INSYN2A: variants seen among roughly 807,000 people sequenced by gnomAD.
INSYN2A encodes inhibitory synaptic factor 2A.
Under a neutral mutation model 39.4 loss-of-function variants are expected in INSYN2A, and 17 were observed. The observed-to-expected ratio is 0.43, with a 90% CI of 0.30 to 0.65. The LOEUF (loss-of-function observed/expected upper bound fraction) is 0.65, where lower values mean the gene tolerates loss of function less well. Among genes scored for constraint, INSYN2A ranks in the 30% least tolerant of loss-of-function variants. The probability of loss-of-function intolerance (pLI) is 0.14; values close to 1 mark genes in which losing one functional copy is unlikely to be tolerated. For missense variants in INSYN2A, 595 were observed against 631.2 expected, an observed-to-expected ratio of 0.94 and a Z score of 0.61; for synonymous variants, 255 against 265.7, an observed-to-expected ratio of 0.96 and a Z score of 0.39.
intron 5 of INSYN2A, among the ~76,000 whole-genome samples, chr10:127,144,076 C>T (rs945258791): frequency 6.6e-6 from 1 of 152,152 alleles, no homozygotes. Context: ...TGTCCTTCCT[C>T]TCCGCCCACC....
At chr10:127,189,347 G>T (rs1325713507) in intron 2 of INSYN2A, among the ~76,000 whole-genome samples, 1 of 152,170 alleles carries the variant, frequency 6.6e-6, no homozygotes, top group Admixed American at 6.5e-5. Context: ...CTCAGTAGTT[G>T]ACCTGCCCAG....
intron 4 of INSYN2A, among the ~76,000 whole-genome samples, chr10:127,162,995 G>A (rs34543669): frequency 5.9e-5 from 9 of 152,138 alleles, no homozygotes; most frequent in African/African-American, 1.9e-4. Flanking sequence ...GTTCTAACCC[G>A]CATGCAAACC....
chr10:127,158,408 C>G (rs1044691525), intron 4 of INSYN2A, among the ~76,000 whole-genome samples: 1 of 152,162 alleles, frequency 6.6e-6, no homozygotes, highest in Admixed American at 6.5e-5. Context: ...AGTGGAAGAA[C>G]ATTTGGATCA....
At position 127,175,655 on chromosome 10, in the gene INSYN2A, C is replaced by T. The variant is rs1256997654; in HGVS notation, c.741G>A (p.Arg247=). The change falls in exon 4 of 6, where the codon AGG becomes AGA. Residue 247 remains arginine, a synonymous_variant. Coordinates refer to ENST00000522781, the MANE Select transcript of INSYN2A (RefSeq NM_001039762.3). The surrounding 1 kb of genome is among the most constrained non-coding windows in gnomAD (Gnocchi z 6.3). ...CGGTGGCAACCTCCGTTTTAAACAC[C>T]CTCCTGAGGGCAGGTGGAGCGGGCT... ...SEEPAPPALR[R]VFKTEVATVY... The T allele has an allele frequency of 1.2e-6, 2 of 1,613,370 alleles. No homozygotes were observed. Among genetic ancestry groups the T allele is most frequent in the Admixed American group, 1.7e-5 (1 of 59,974 alleles).
chr10:127,191,186 C>T (rs551196016), intron 2 of INSYN2A, among the ~76,000 whole-genome samples: 30 of 152,226 alleles, frequency 2.0e-4, no homozygotes, highest in African/African-American at 6.5e-4. Flanking sequence ...CGAAGTGAGC[C>T]GGGGCATCAC....
chr10:127,165,828 G>A (rs2054019237), intron 4 of INSYN2A, among the ~76,000 whole-genome samples: 1 of 152,216 alleles, frequency 6.6e-6, no homozygotes, highest in Admixed American at 6.5e-5. Flanking sequence ...TCACAGAGAG[G>A]ATTCCTGTTA....
At chr10:127,182,973 C>T (rs2055875160) in intron 2 of INSYN2A, among the ~76,000 whole-genome samples, 2 of 151,792 alleles carry the variant, frequency 1.3e-5, no homozygotes, top group African/African-American at 4.8e-5. Flanking sequence ...GGTGGTCTCC[C>T]TTTTTTAGAC....
chr10:127,182,695 A>G (rs2055851319), intron 2 of INSYN2A, among the ~76,000 whole-genome samples: 1 of 152,230 alleles, frequency 6.6e-6, no homozygotes, highest in Non-Finnish European at 1.5e-5. Flanking sequence ...TAATGGCCAA[A>G]AGGAGTTCAG....
Position 127,175,311 on chromosome 10 carries a change from A to G in INSYN2A, c.1085T>C (p.Leu362Pro). The G allele has an allele frequency of 6.2e-7, 1 of 1,614,002 alleles. No homozygotes were observed. The highest frequency in any genetic ancestry group is 8.5e-7 in the Non-Finnish European group (1 of 1,180,006). ...HTEVVDLKAQLQMMENLISSS... is the reference protein window; with the variant it reads ...HTEVVDLKAQPQMMENLISSS... The stretch of plus-strand genomic sequence containing the variant: ...ACTGATCAAGTTCTCCATCATCTGA[A>G]GTTGTGCTTTGAGGTCGACCACTTC... Residue 362 changes from leucine (L) to proline (P), a missense_variant, in exon 4 of 6, where the codon CTT becomes CCT. This residue lies in a region of INSYN2A where 117 missense variants were observed against 163.8 expected (regional missense o/e 0.71). Transcript: ENST00000522781. This position sits in a 1 kb window ranked among gnomAD's most constrained non-coding sequence, Gnocchi z 6.3.
chr10:127,195,824 G>T (rs2057089536), intron 1 of INSYN2A, among the ~76,000 whole-genome samples, 173 bp downstream of exon 1: 1 of 152,152 alleles, frequency 6.6e-6, no homozygotes, highest in Non-Finnish European at 1.5e-5. Flanking sequence ...GTCCGCTCCC[G>T]GCTGCACCGG....
chr10:127,173,967 C>T (rs2054825037), intron 4 of INSYN2A, among the ~76,000 whole-genome samples: 1 of 152,202 alleles, frequency 6.6e-6, no homozygotes, highest in Non-Finnish European at 1.5e-5. Context: ...GCAGCCAGAG[C>T]CCAGGGCAGG....
rs139810222 is a variant in INSYN2A, at chr10:127,175,698, C to T, written c.698G>A (p.Gly233Glu). 3.8e-5 allele frequency: 61 copies of T among 1,613,760 alleles called. No homozygotes were observed. Among genetic ancestry groups the T allele is most frequent in the Non-Finnish European group, 4.7e-5 (55 of 1,180,008 alleles). ...AGCGGGCTCCTCGGAGTTTGGCCTC[C>T]CCCGGTCCTGCTTGGCCCTCCCGAG... ...QLLGRAKQDRGRPNSEEPAPP... is the reference protein window; with the variant it reads ...QLLGRAKQDRERPNSEEPAPP... Residue 233 changes from glycine (G) to glutamate (E), a missense_variant, in exon 4 of 6, where the codon GGG (glycine) becomes GAG (glutamate). Around this residue, in one of 2 missense-constraint regions of INSYN2A, gnomAD observed 478 missense variants for 467.4 expected, o/e 1.02. Transcript: ENST00000522781. This position sits in a 1 kb window ranked among gnomAD's most constrained non-coding sequence, Gnocchi z 6.3.
In INSYN2A at chr10:127,176,505, T is replaced by C; in HGVS notation, c.-5-105A>G. ...CCACGACGACTGCCTGTTTCCTAAT[T>C]ATATTTAAGCAGGTGAGGTCGGCCT... On this transcript the variant is annotated intron_variant, in intron 3 of 5. Coordinates refer to ENST00000522781, the MANE Select transcript of INSYN2A (RefSeq NM_001039762.3). This position sits in a 1 kb window ranked among gnomAD's most constrained non-coding sequence, Gnocchi z 4.4. 1.1e-6 allele frequency: 1 copy of C among 940,536 alleles called. No homozygotes were observed. The highest frequency in any genetic ancestry group is 1.6e-6 in the Non-Finnish European group (1 of 632,226). 58.3% of individuals were successfully genotyped at this position (940,536 alleles called of 1,614,324 possible). A position where few individuals can be genotyped will look rare whatever the true frequency, so the allele number is the denominator to read the frequency against.
intron 2 of INSYN2A, among the ~76,000 whole-genome samples, chr10:127,182,605 G>A (rs1564879608): frequency 1.3e-5 from 2 of 152,248 alleles, no homozygotes; most frequent in East Asian, 3.9e-4. Flanking sequence ...AAAATCAACT[G>A]GAAAATATGC....
intron 4 of INSYN2A, among the ~76,000 whole-genome samples, chr10:127,165,175 A>G (rs1193480966): frequency 6.6e-6 from 1 of 152,182 alleles, no homozygotes; most frequent in Non-Finnish European, 1.5e-5. Context: ...ATTTTTTGCC[A>G]GTGGTTCTGA....
chr10:127,144,964 A>T (rs1259516845), intron 5 of INSYN2A, among the ~76,000 whole-genome samples: 1 of 139,900 alleles, frequency 7.1e-6, no homozygotes, highest in South Asian at 2.1e-4. Flanking sequence ...TTAAAAAAGC[A>T]TTAGCCAGAT....
chr10:127,179,349 A>C (rs568871142), intron 2 of INSYN2A, among the ~76,000 whole-genome samples: 53 of 152,372 alleles, frequency 3.5e-4, no homozygotes, highest in African/African-American at 1.3e-3. Context: ...TTGCTGGTAC[A>C]TAAAAATCAT....
chr10:127,191,367 T>C, intron 2 of INSYN2A, among the ~76,000 whole-genome samples: 1 of 152,140 alleles, frequency 6.6e-6, no homozygotes, highest in East Asian at 1.9e-4. Context: ...TCAGTACATA[T>C]CCACAAATCA....
At position 127,175,093 on chromosome 10, in the gene INSYN2A, A is replaced by G. The variant is rs1564869005; in HGVS notation, c.1184+119T>C. ...TTGGAGCTCGCCACGCCCTTAGACT[A>G]TGACCTGTTTACGGAAATGCTGGCT... On this transcript the variant is annotated intron_variant, in intron 4 of 5. Transcript: ENST00000522781. This position sits in a 1 kb window ranked among gnomAD's most constrained non-coding sequence, Gnocchi z 6.3. 3.4e-6 allele frequency: 3 copies of G among 874,550 alleles called. No individual in the cohort carries two copies. The highest frequency in any genetic ancestry group is 1.6e-5 in the South Asian group (1 of 61,356). The allele number at this position is 874,550 out of a possible 1,614,324, so 54.2% of individuals were successfully genotyped here. A position where few individuals can be genotyped will look rare whatever the true frequency, so the allele number is the denominator to read the frequency against.
Sources: gnomAD v4.1 joint callset for allele counts (sites outside exome capture counted in the v4.1 genomes callset) on GRCh38, gnomAD v4.1.1 for gene constraint, gnomAD v4.1.1 regional missense constraint, Gnocchi (gnomAD v3.1) non-coding constraint, MANE v1.5 for transcripts, NCBI Gene and HGNC (gene_info 2026-07-23, HGNC 2026-07-21) for gene names.